SHISAL1: variants seen among roughly 807,000 people sequenced by gnomAD.
The protein encoded by SHISAL1 is protein shisa-like-1.
In SHISAL1, 9 loss-of-function variants were observed where a neutral mutation model predicts 22.6. The ratio of observed to expected loss-of-function variants is 0.40; its 90% CI spans 0.24 to 0.70. The LOEUF (loss-of-function observed/expected upper bound fraction) is 0.70, where lower values mean the gene tolerates loss of function less well. SHISAL1 is among the 30% of genes least tolerant of loss of function. SHISAL1 has a pLI of 0.39. For missense variants in SHISAL1, 246 were observed against 270.6 expected (o/e 0.91, Z 0.64); for synonymous variants, 119 against 115.4 (o/e 1.03, Z -0.20).
chr22:44,327,395 A>G, the SHISAL1 span, among the ~76,000 whole-genome samples: 1 of 152,108 alleles, frequency 6.6e-6, no homozygotes, highest in East Asian at 1.9e-4. Context: ...ACGGCCCGTG[A>G]CTGGGGAAGT....
the SHISAL1 span, among the ~76,000 whole-genome samples, chr22:44,319,025 G>A: frequency 2.0e-5 from 3 of 152,388 alleles, no homozygotes; most frequent in East Asian, 1.9e-4. Context: ...AAAGGGTCCC[G>A]TTGTACCATG....
At chr22:44,314,227 T>C (rs2055543108), upstream of SHISAL1, among the ~76,000 whole-genome samples, 1 of 151,604 alleles carries the variant, frequency 6.6e-6, no homozygotes, top group East Asian at 1.9e-4. Context: ...GGAGTGTTCC[T>C]GGCAGAGGGA....
At chr22:44,313,109 A>G (rs754269496), upstream of SHISAL1, among the ~76,000 whole-genome samples, 1 of 152,176 alleles carries the variant, frequency 6.6e-6, no homozygotes, top group Non-Finnish European at 1.5e-5. Flanking sequence ...AGCCTTGTGC[A>G]TCCTCAGAGC....
intron 3 of SHISAL1, among the ~76,000 whole-genome samples, chr22:44,294,769 T>C (rs2055374649): frequency 6.6e-6 from 1 of 152,186 alleles, no homozygotes; most frequent in Non-Finnish European, 1.5e-5. Context: ...TATCTCAAAA[T>C]CATTGCTTTT....
the SHISAL1 span, among the ~76,000 whole-genome samples, chr22:44,325,144 G>A: frequency 5.3e-5 from 8 of 152,108 alleles, no homozygotes; most frequent in African/African-American, 1.9e-4. Flanking sequence ...TAGGGAGGCT[G>A]AGGCAAGAGA....
At chr22:44,315,676 T>C (rs937613442), upstream of SHISAL1, among the ~76,000 whole-genome samples, 2 of 152,238 alleles carry the variant, frequency 1.3e-5, no homozygotes, top group Non-Finnish European at 2.9e-5. Flanking sequence ...CCAATGCTGC[T>C]TCTTACGCTG....
chr22:44,250,926 T>C (rs1364564837), intron 4 of SHISAL1, among the ~76,000 whole-genome samples: 1 of 152,130 alleles, frequency 6.6e-6, no homozygotes, highest in Non-Finnish European at 1.5e-5. Context: ...CCAGAGTGAG[T>C]GATACGCCAA....
chr22:44,283,899 A>G (rs1389143576), intron 4 of SHISAL1, among the ~76,000 whole-genome samples: 1 of 151,942 alleles, frequency 6.6e-6, no homozygotes, highest in East Asian at 1.9e-4. Flanking sequence ...ACATTTCAGA[A>G]CACCCCACTC....
At chr22:44,298,601 C>T (rs1338902745) in intron 2 of SHISAL1, among the ~76,000 whole-genome samples, 2 of 152,218 alleles carry the variant, frequency 1.3e-5, no homozygotes, top group Non-Finnish European at 2.9e-5. Context: ...AGGAACCAGG[C>T]ACACTCACGC....
chr22:44,315,935 C>T (rs1005322898), upstream of SHISAL1, among the ~76,000 whole-genome samples: 1 of 152,146 alleles, frequency 6.6e-6, no homozygotes, highest in Non-Finnish European at 1.5e-5. Flanking sequence ...TCAAAGGATT[C>T]ACAGTCCGGG....
At chr22:44,320,331 G>A in the SHISAL1 span, among the ~76,000 whole-genome samples, 1 of 152,164 alleles carries the variant, frequency 6.6e-6, no homozygotes, top group African/African-American at 2.4e-5. Flanking sequence ...CTGCCCCTCT[G>A]AGACCCCCTA....
intron 4 of SHISAL1, among the ~76,000 whole-genome samples, chr22:44,285,050 T>C (rs913753786): frequency 6.6e-6 from 1 of 152,218 alleles, no homozygotes; most frequent in Non-Finnish European, 1.5e-5. Flanking sequence ...AAAATCTGGC[T>C]GGACAGACTG....
At position 44,248,976 on chromosome 22, in the gene SHISAL1, C is replaced by T. The variant is rs1008440973; in HGVS notation, c.*709G>A. The T allele has an allele frequency of 6.6e-6, 1 of 152,124 alleles. No homozygotes were observed. The highest frequency in any genetic ancestry group is 2.4e-5 in the African/African-American group (1 of 41,394). 9.4% of individuals were successfully genotyped at this position (152,124 alleles called of 1,614,324 possible). A position where few individuals can be genotyped will look rare whatever the true frequency, so the allele number is the denominator to read the frequency against. ...CCTGTGGTCAGCCTGAGATGCAGCCCTTAGTATTACTATTGTTACAGGAAC... is the reference window on the plus strand; with the variant it reads ...CCTGTGGTCAGCCTGAGATGCAGCCTTTAGTATTACTATTGTTACAGGAAC... On this transcript the variant is annotated 3_prime_UTR_variant, in exon 5 of 5. Coordinates refer to ENST00000381176, the MANE Select transcript of SHISAL1 (RefSeq NM_001099294.2).
the SHISAL1 span, among the ~76,000 whole-genome samples, chr22:44,321,245 C>T: frequency 6.6e-6 from 1 of 152,220 alleles, no homozygotes; most frequent in African/African-American, 2.4e-5. Context: ...GAGAGTCCTC[C>T]AGCCTTGGCT....
At chr22:44,312,291 G>C (rs1162652749) in intron 1 of SHISAL1, among the ~76,000 whole-genome samples, 1 of 152,130 alleles carries the variant, frequency 6.6e-6, no homozygotes, top group Non-Finnish European at 1.5e-5. Context: ...GGGTCGAACA[G>C]ACCCACCTCA....
chr22:44,326,730 G>C, the SHISAL1 span, among the ~76,000 whole-genome samples: 1 of 152,130 alleles, frequency 6.6e-6, no homozygotes, highest in South Asian at 2.1e-4. Flanking sequence ...AGGCTGGGGG[G>C]TATGGGCTGT....
intron 4 of SHISAL1, among the ~76,000 whole-genome samples, chr22:44,262,400 A>C (rs2055131290): frequency 6.6e-6 from 1 of 152,166 alleles, no homozygotes; most frequent in South Asian, 2.1e-4. Context: ...GACATGGAAG[A>C]TCATGCCTAA....
chr22:44,293,536 G>A (rs1443856328), intron 3 of SHISAL1, among the ~76,000 whole-genome samples: 1 of 152,134 alleles, frequency 6.6e-6, no homozygotes, highest in Non-Finnish European at 1.5e-5. Flanking sequence ...TGGTGCTGGG[G>A]TGGGATCTCC....
At chr22:44,301,562 C>T (rs1249515620) in intron 1 of SHISAL1, among the ~76,000 whole-genome samples, 1 of 152,172 alleles carries the variant, frequency 6.6e-6, no homozygotes. Context: ...GTACATATCC[C>T]AAGGCGCAGA....
Sources: gnomAD v4.1 joint callset for allele counts (sites outside exome capture counted in the v4.1 genomes callset) on GRCh38, gnomAD v4.1.1 for gene constraint, MANE v1.5 for transcripts, NCBI Gene and HGNC (gene_info 2026-07-23, HGNC 2026-07-21) for gene names.